Variants in STX8 observed in about 807,000 individuals in gnomAD.
The protein encoded by STX8 is syntaxin-8.
In STX8, 23 loss-of-function variants were observed where a neutral mutation model predicts 37.5. The ratio of observed to expected loss-of-function variants is 0.61; its 90% confidence interval spans 0.44 to 0.87. STX8 has a LOEUF of 0.87. Among genes scored for constraint, STX8 ranks in the 40% least tolerant of loss-of-function variants. The pLI, the probability that STX8 is intolerant of heterozygous loss-of-function variation, is 0.00. For synonymous variants in STX8, 115 were observed against 99.1 expected, an observed-to-expected ratio of 1.16 and a Z score of -0.95; for missense variants, 313 against 284.7, an observed-to-expected ratio of 1.10 and a Z score of -0.71.
intron 7 of STX8, among the ~76,000 whole-genome samples, chr17:9,259,134 G>A (rs964345837): frequency 5.3e-5 from 8 of 152,148 alleles, no homozygotes; most frequent in Non-Finnish European, 7.3e-5. Flanking sequence ...TCTGCCACTG[G>A]TATACTATGA....
Position 9,297,521 on chromosome 17 carries a change from T to C in STX8, c.644-46876A>G, listed in dbSNP as rs142266781. 1.4e-4 allele frequency among the ~76,000 whole-genome samples: 21 copies of C among 152,322 alleles called. No homozygotes were observed. The East Asian group carries it at 4.1e-3, about 29-fold the overall frequency. ...TTATTTCAGCATTCGTGACTTCTCA[T>C]ACAAGCTGAATAGAGGTCATCATTC... On this transcript the variant is annotated intron_variant, in intron 7 of 7. Transcript: ENST00000306357.
chr17:9,497,114 A>G (rs1357819917), intron 5 of STX8, among the ~76,000 whole-genome samples: 1 of 152,242 alleles, frequency 6.6e-6, no homozygotes, highest in African/African-American at 2.4e-5. Context: ...AGATCTGGAT[A>G]GTGGGAAACT....
intron 7 of STX8, among the ~76,000 whole-genome samples, chr17:9,341,185 T>C (rs1413814203): frequency 3.3e-5 from 5 of 151,910 alleles, no homozygotes; most frequent in Admixed American, 3.3e-4. Flanking sequence ...GAGACTGCGA[T>C]ATTGGGCCCA....
chr17:9,542,028 T>C (rs1053602557), intron 4 of STX8, among the ~76,000 whole-genome samples: 4 of 151,244 alleles, frequency 2.6e-5, no homozygotes, highest in Admixed American at 2.6e-4. Context: ...TTCCATTCTC[T>C]CTTGGGTGAT....
At chr17:9,253,783 A>G (rs1906681180) in intron 7 of STX8, among the ~76,000 whole-genome samples, 1 of 152,206 alleles carries the variant, frequency 6.6e-6, no homozygotes, top group Admixed American at 6.5e-5. Flanking sequence ...AGCAGAGGCC[A>G]GTATGAATGA....
At chr17:9,317,416 G>A (rs1043335160) in intron 7 of STX8, among the ~76,000 whole-genome samples, 3 of 152,118 alleles carry the variant, frequency 2.0e-5, no homozygotes, top group Non-Finnish European at 4.4e-5. Flanking sequence ...AGACCCTCCC[G>A]CTTACCAAGT....
intron 6 of STX8, among the ~76,000 whole-genome samples, chr17:9,448,901 G>C (rs1904945670): frequency 6.6e-6 from 1 of 151,910 alleles, no homozygotes; most frequent in African/African-American, 2.4e-5. Context: ...GCTTTTGAAA[G>C]GTAAGGGTCA....
chr17:9,372,779 ATTTTTTTTT>A (rs72485507), intron 7 of STX8, among the ~76,000 whole-genome samples: 2 of 109,564 alleles, frequency 1.8e-5, no homozygotes, highest in African/African-American at 6.8e-5. Flanking sequence ...CCCAGCCCTC[ATTTTTTTTT>A]TTTTTTTTTT....
intron 6 of STX8, among the ~76,000 whole-genome samples, chr17:9,453,549 G>T (rs545982501): frequency 6.9e-6 from 1 of 144,960 alleles, no homozygotes; most frequent in Non-Finnish European, 1.5e-5. Context: ...CTGGAGTGCA[G>T]TGGTGTGATC....
chr17:9,460,996 G>C (rs1229356184), intron 6 of STX8, among the ~76,000 whole-genome samples: 2 of 145,362 alleles, frequency 1.4e-5, no homozygotes, highest in Non-Finnish European at 3.0e-5. Flanking sequence ...TTCCCTGTGA[G>C]TCTCAACAGC....
chr17:9,279,224 A>AT (rs1161333098), intron 7 of STX8, among the ~76,000 whole-genome samples: 6 of 151,762 alleles, frequency 4.0e-5, no homozygotes, highest in Non-Finnish European at 8.8e-5. Context: ...CGCCTGGCTA[A>AT]TTTTGTATTT....
At chr17:9,440,210 A>C (rs1904590844) in intron 6 of STX8, among the ~76,000 whole-genome samples, 1 of 152,128 alleles carries the variant, frequency 6.6e-6, no homozygotes, top group Non-Finnish European at 1.5e-5. Flanking sequence ...ATGGAATCGG[A>C]TGATTTGAAA....
At chr17:9,301,551 C>T (rs1019319916) in intron 7 of STX8, among the ~76,000 whole-genome samples, 8 of 151,768 alleles carry the variant, frequency 5.3e-5, no homozygotes, top group African/African-American at 1.2e-4. Context: ...GGCGCGATCT[C>T]GGCTCACTGC....
intron 7 of STX8, 192 bp downstream of exon 7, chr17:9,378,360 A>C: frequency 1.9e-6 from 1 of 539,038 alleles, no homozygotes; most frequent in South Asian, 2.2e-5. Context: ...AATGAATGAT[A>C]TGCCCTTTGA....
At chr17:9,266,471 G>C (rs866621781) in intron 7 of STX8, among the ~76,000 whole-genome samples, 1 of 152,124 alleles carries the variant, frequency 6.6e-6, no homozygotes, top group Non-Finnish European at 1.5e-5. Flanking sequence ...CTTCAGCGCC[G>C]TGCTGGCTGA....
At chr17:9,450,304 G>A (rs1411724563) in intron 6 of STX8, among the ~76,000 whole-genome samples, 2 of 151,544 alleles carry the variant, frequency 1.3e-5, no homozygotes, top group Non-Finnish European at 2.9e-5. Context: ...TCAAACTCCT[G>A]ACCTCAAGTA....
At chr17:9,548,769 A>G (rs957843468) in intron 3 of STX8, among the ~76,000 whole-genome samples, 1 of 152,144 alleles carries the variant, frequency 6.6e-6, no homozygotes, top group Admixed American at 6.5e-5. Flanking sequence ...AAAGGAGGGG[A>G]AAAAAACAGC....
chr17:9,398,746 C>G (rs1412902072), intron 6 of STX8, among the ~76,000 whole-genome samples: 1 of 151,990 alleles, frequency 6.6e-6, no homozygotes, highest in Non-Finnish European at 1.5e-5. Flanking sequence ...TTCAAGACTT[C>G]CTATAAAACT....
At chr17:9,349,316 CTT>C (rs61627405) in intron 7 of STX8, among the ~76,000 whole-genome samples, 7 of 109,764 alleles carry the variant, frequency 6.4e-5, no homozygotes, top group Admixed American at 1.9e-4. Context: ...ATTTTCTTTT[CTT>C]TTTTTTTTTT....
Sources: gnomAD v4.1 joint callset for allele counts (sites outside exome capture counted in the v4.1 genomes callset) on GRCh38, gnomAD v4.1.1 for gene constraint, MANE v1.5 for transcripts, NCBI Gene and HGNC (gene_info 2026-07-23, HGNC 2026-07-21) for gene names.